STXBP5L: variants seen among roughly 807,000 people sequenced by gnomAD.
STXBP5L encodes syntaxin binding protein 5L.
A neutral mutation model predicts 144.5 loss-of-function variants in STXBP5L; 65 were observed. The ratio of observed to expected loss-of-function variants is 0.45; its 90% CI spans 0.37 to 0.55. The LOEUF (loss-of-function observed/expected upper bound fraction) is 0.55, where lower values mean the gene tolerates loss of function less well. Among genes scored for constraint, STXBP5L ranks in the 20% least tolerant of loss-of-function variants. The pLI is 0.00. For synonymous variants in STXBP5L, 505 were observed against 469.6 expected (o/e 1.08, Z -0.97); for missense variants, 1,298 against 1,405.5 (o/e 0.92, Z 1.22).
intron 19 of STXBP5L, among the ~76,000 whole-genome samples, chr3:121,288,687 T>G (rs991807438): frequency 2.6e-5 from 4 of 152,064 alleles, no homozygotes; most frequent in African/African-American, 9.7e-5. Context: ...TTTAATAAAA[T>G]CATTTTTTTT....
intron 3 of STXBP5L, among the ~76,000 whole-genome samples, chr3:121,017,559 T>C (rs9849187): frequency 0.099 from 15,122 of 152,192 alleles, 1,184 homozygotes; most frequent in Admixed American, 0.2. Flanking sequence ...ACAAAAACAC[T>C]TCTGGAACTA....
intron 18 of STXBP5L, among the ~76,000 whole-genome samples, chr3:121,271,896 AG>A (rs1259703300): frequency 6.6e-6 from 1 of 152,342 alleles, no homozygotes; most frequent in Admixed American, 6.5e-5. Context: ...TGGAAGGTGA[AG>A]GGGAAGCAAG....
intron 3 of STXBP5L, among the ~76,000 whole-genome samples, chr3:120,998,615 G>T (rs1943538059): frequency 6.6e-6 from 1 of 152,068 alleles, no homozygotes; most frequent in African/African-American, 2.4e-5. Flanking sequence ...TCCTAATTAG[G>T]AGTGAGAACA....
At chr3:121,146,901 T>A (rs2045732108) in intron 7 of STXBP5L, among the ~76,000 whole-genome samples, 1 of 152,086 alleles carries the variant, frequency 6.6e-6, no homozygotes. Context: ...TGTTTTCATT[T>A]TGCATGGAAT....
intron 3 of STXBP5L, among the ~76,000 whole-genome samples, chr3:121,029,050 A>G (rs1248355897): frequency 2.0e-5 from 3 of 152,174 alleles, no homozygotes; most frequent in Non-Finnish European, 4.4e-5. Flanking sequence ...AAATGGAAAA[A>G]CATTTCATGC....
chr3:120,928,538 A>C (rs1709758215), intron 2 of STXBP5L, among the ~76,000 whole-genome samples: 1 of 152,062 alleles, frequency 6.6e-6, no homozygotes, highest in African/African-American at 2.4e-5. Context: ...TGGGATTACA[A>C]GTATGAGCCA....
intron 20 of STXBP5L, among the ~76,000 whole-genome samples, chr3:121,366,630 C>T (rs1470022530): frequency 1.3e-5 from 2 of 152,038 alleles, no homozygotes; most frequent in Non-Finnish European, 2.9e-5. Context: ...TTATTTGTGA[C>T]TCTGTATCAA....
intron 3 of STXBP5L, among the ~76,000 whole-genome samples, chr3:120,992,052 A>G (rs1942943654): frequency 6.6e-6 from 1 of 152,106 alleles, no homozygotes; most frequent in Non-Finnish European, 1.5e-5. Flanking sequence ...AAATTGACCT[A>G]TGTCATTGTA....
At chr3:121,400,767 A>G (rs76868667) in intron 22 of STXBP5L, among the ~76,000 whole-genome samples, 3 of 152,146 alleles carry the variant, frequency 2.0e-5, no homozygotes, top group South Asian at 2.1e-4. Context: ...CCTTCCTGAG[A>G]CTGACTGGTT....
chr3:121,091,545 T>A (rs1460131011), intron 5 of STXBP5L, among the ~76,000 whole-genome samples: 2 of 152,208 alleles, frequency 1.3e-5, no homozygotes, highest in Non-Finnish European at 2.9e-5. Context: ...GTGAGCATTT[T>A]TTCATGTGTT....
chr3:121,245,370 A>G (rs73191450), intron 14 of STXBP5L, among the ~76,000 whole-genome samples: 5,324 of 151,446 alleles, frequency 0.035, 145 homozygotes, highest in Middle Eastern at 0.082. Flanking sequence ...CAAAACCCAA[A>G]GGAAGCCAGC....
At chr3:121,281,243 A>T (rs1472702375) in intron 19 of STXBP5L, among the ~76,000 whole-genome samples, 11 of 151,962 alleles carry the variant, frequency 7.2e-5, no homozygotes. Flanking sequence ...AGGGGCACAA[A>T]ATTTCTCTTT....
chr3:120,994,513 A>G (rs1943184315), intron 3 of STXBP5L, among the ~76,000 whole-genome samples: 1 of 151,842 alleles, frequency 6.6e-6, no homozygotes, highest in South Asian at 2.1e-4. Context: ...GAGATGTTGA[A>G]TTTTATCTAG....
intron 22 of STXBP5L, among the ~76,000 whole-genome samples, chr3:121,404,598 C>T (rs1346648782): frequency 6.6e-6 from 1 of 152,112 alleles, no homozygotes; most frequent in Non-Finnish European, 1.5e-5. Context: ...GATCTTACCT[C>T]CTATGAATCT....
At chr3:121,385,336 A>T (rs1339456106) in intron 22 of STXBP5L, among the ~76,000 whole-genome samples, 3 of 152,116 alleles carry the variant, frequency 2.0e-5, no homozygotes, top group Admixed American at 6.6e-5. Flanking sequence ...AGGAAAAGCA[A>T]GAGAGAGAGG....
Position 121,169,696 on chromosome 3 carries a change from G to A in STXBP5L, c.877+12069G>A, listed in dbSNP as rs1057061476. Among the ~76,000 whole-genome samples the A allele has an allele frequency of 9.2e-5, 14 of 152,154 alleles. No individual in the cohort carries two copies. The South Asian group carries it at 1.2e-3, about 14-fold the overall frequency. ...ATACAGGAGCACCCAGATTCATAAA[G>A]CAAGTTCTTAGAGACCTACAATAAG... On this transcript the variant is annotated intron_variant, in intron 9 of 26. Coordinates refer to ENST00000471454, the MANE Select transcript of STXBP5L (RefSeq NM_001308330.2).
At chr3:121,196,434 C>T (rs77672636) in intron 9 of STXBP5L, among the ~76,000 whole-genome samples, 16,981 of 152,042 alleles carry the variant, frequency 0.11, 1,046 homozygotes, top group Non-Finnish European at 0.14. Context: ...CCACCGCACC[C>T]GGCAATATTA....
At chr3:121,369,228 A>T (rs1455464541) in intron 20 of STXBP5L, among the ~76,000 whole-genome samples, 3 of 152,124 alleles carry the variant, frequency 2.0e-5, no homozygotes, top group Non-Finnish European at 4.4e-5. Flanking sequence ...TGAAAGTTGT[A>T]TGTCTTCAAT....
In STXBP5L at chr3:121,244,806, C is replaced by T. The variant is rs76311701; in HGVS notation, c.1400+4299C>T. 8.3e-3 allele frequency among the ~76,000 whole-genome samples: 1,259 copies of T among 151,700 alleles called. 17 individuals are homozygous for T. Among genetic ancestry groups the T allele is most frequent in the African/African-American group, 0.028 (1,141 of 41,358 alleles). The stretch of plus-strand genomic sequence containing the variant: ...CTCAAAGTGCTGAAAGAAAAAAAAC[C>T]CCACCAACTTAGAATGCTATATTTG... On this transcript the variant is annotated intron_variant, in intron 14 of 26. Transcript: ENST00000471454.
Sources: allele counts gnomAD v4.1 joint callset (sites outside exome capture counted in the v4.1 genomes callset), GRCh38; gene constraint gnomAD v4.1.1; transcripts MANE v1.5; gene names NCBI Gene and HGNC (gene_info 2026-07-23, HGNC 2026-07-21).